RIMS2: variants seen among roughly 807,000 people sequenced by gnomAD.
The protein encoded by RIMS2 is regulating synaptic membrane exocytosis 2.
In RIMS2, 59 loss-of-function variants were observed where a neutral mutation model predicts 174.4. The ratio of observed to expected loss-of-function variants is 0.34; its 90% CI spans 0.27 to 0.42. The LOEUF (loss-of-function observed/expected upper bound fraction) is 0.42, where lower values mean the gene tolerates loss of function less well. Among genes scored for constraint, RIMS2 ranks in the 10% least tolerant of loss-of-function variants. The pLI is 1.00. For synonymous variants in RIMS2, 606 were observed against 572.5 expected (o/e 1.06, Z -0.84); for missense variants, 1,620 against 1,666.3 (o/e 0.97, Z 0.48).
chr8:104,112,285 T>G (rs2098199175), intron 19 of RIMS2, among the ~76,000 whole-genome samples: 2 of 152,132 alleles, frequency 1.3e-5, no homozygotes, highest in South Asian at 4.1e-4. Flanking sequence ...TTCACCATTT[T>G]ATTTTAATCA....
chr8:104,190,755 G>A (rs1356633363), intron 19 of RIMS2, among the ~76,000 whole-genome samples: 1 of 151,958 alleles, frequency 6.6e-6, no homozygotes, highest in African/African-American at 2.4e-5. Context: ...GACCTTTTGG[G>A]TAACTACTTA....
chr8:103,984,096 C>T lies in RIMS2; in HGVS notation c.2928-5209C>T, dbSNP rs1351930133. ...GGCTGAGGCAGGAGAATGGCGTGAACCTGGGAGGCGGAGCTTGCAGTGAGC... is the reference window on the plus strand; with the variant it reads ...GGCTGAGGCAGGAGAATGGCGTGAATCTGGGAGGCGGAGCTTGCAGTGAGC... On this transcript the variant is annotated intron_variant, in intron 16 of 23. Coordinates refer to ENST00000504942, the Ensembl canonical transcript of RIMS2. Among the ~76,000 whole-genome samples, 5 of 152,010 alleles carry T rather than the reference C, an allele frequency of 3.3e-5. No individual in the cohort carries two copies. In the East Asian group the frequency reaches 9.6e-4, roughly 29 times the overall value.
chr8:104,052,567 A>G (rs2096803855), intron 19 of RIMS2, among the ~76,000 whole-genome samples: 4 of 152,320 alleles, frequency 2.6e-5, no homozygotes, highest in Admixed American at 2.6e-4. Context: ...ATTTAGGGCT[A>G]ACATAGTGTC....
chr8:103,628,440 C>T (rs772900816), intron 1 of RIMS2, among the ~76,000 whole-genome samples: 14 of 151,460 alleles, frequency 9.2e-5, no homozygotes, highest in South Asian at 6.3e-4. Flanking sequence ...CCACAACCTC[C>T]GCCTCCCGGT....
At chr8:104,171,195 G>A (rs1282169435) in intron 19 of RIMS2, among the ~76,000 whole-genome samples, 4 of 152,056 alleles carry the variant, frequency 2.6e-5, no homozygotes, top group African/African-American at 7.2e-5. Flanking sequence ...CTCTAGCAAG[G>A]CCAAGGAAGT....
chr8:103,894,767 A>G (rs1175308856), intron 4 of RIMS2, among the ~76,000 whole-genome samples: 1 of 151,558 alleles, frequency 6.6e-6, no homozygotes, highest in Non-Finnish European at 1.5e-5. Context: ...AAAATTGTGG[A>G]AGTTTGTCTT....
At position 104,151,728 on chromosome 8, in the gene RIMS2, G is replaced by A. The variant is rs112419085; in HGVS notation, c.3335-93188G>A. Among the ~76,000 whole-genome samples, 598 of 152,304 alleles carry A rather than the reference G, an allele frequency of 3.9e-3. 8 individuals are homozygous for A. The highest frequency in any genetic ancestry group is 0.014 in the African/African-American group (570 of 41,566). On this transcript the variant is annotated intron_variant, in intron 19 of 23. Coordinates refer to ENST00000504942, the Ensembl canonical transcript of RIMS2. ...AACACTTTTGAAGCTTGTGTCAGAA[G>A]CAGGGACATAAATCTGAGAGTTACA...
chr8:104,251,718 C>T (rs774419567), exon 24 of RIMS2: 1 of 1,610,364 alleles, frequency 6.2e-7, no homozygotes, highest in South Asian at 1.1e-5. Flanking sequence ...TCAAACTTTT[C>T]CCACCTTCCT....
At chr8:103,809,495 T>A (rs1394858928) in intron 3 of RIMS2, among the ~76,000 whole-genome samples, 6 of 152,076 alleles carry the variant, frequency 3.9e-5, no homozygotes, top group Non-Finnish European at 5.9e-5. Context: ...CCCTCCTCCC[T>A]CCACTCCTTT....
chr8:103,989,420 A>C (rs761752508), exon 17 of RIMS2: 1 of 1,500,576 alleles, frequency 6.7e-7, no homozygotes, highest in Non-Finnish European at 9.3e-7. Context: ...AGATAGAGAC[A>C]GGTAAATATG....
intron 19 of RIMS2, among the ~76,000 whole-genome samples, chr8:104,097,442 G>C (rs1170386771): frequency 6.6e-6 from 1 of 152,114 alleles, no homozygotes; most frequent in Non-Finnish European, 1.5e-5. Context: ...TTCTGACTCT[G>C]AATTTCTATG....
intron 1 of RIMS2, among the ~76,000 whole-genome samples, chr8:103,555,729 T>G (rs1053127306): frequency 1.1e-4 from 16 of 150,710 alleles, no homozygotes; most frequent in African/African-American, 3.2e-4. Context: ...CCCAGGAATT[T>G]GAGAGCATTA....
chr8:103,886,332 TAA>T (rs1336792307), intron 4 of RIMS2, 109 bp downstream of exon 7: 5 of 922,816 alleles, frequency 5.4e-6, no homozygotes, highest in African/African-American at 1.7e-5. Context: ...AGCTTTATTT[TAA>T]AAGTCTTTTA....
At chr8:104,208,145 T>A (rs191286337) in intron 19 of RIMS2, among the ~76,000 whole-genome samples, 61 of 152,320 alleles carry the variant, frequency 4.0e-4, no homozygotes, top group Non-Finnish European at 8.1e-4. Context: ...GATGCTGTTA[T>A]GAAATATTCC....
chr8:103,788,210 G>C (rs1371513766), intron 3 of RIMS2, among the ~76,000 whole-genome samples: 2 of 150,208 alleles, frequency 1.3e-5, no homozygotes, highest in African/African-American at 4.9e-5. Context: ...TTTGCCTTTG[G>C]TTTGAATGTC....
chr8:103,993,062 C>T (rs1003233895), intron 17 of RIMS2, among the ~76,000 whole-genome samples: 6 of 152,020 alleles, frequency 3.9e-5, no homozygotes, highest in Non-Finnish European at 8.8e-5. Flanking sequence ...TGCAGTGAGG[C>T]GAGATCGCGC....
chr8:103,703,292 C>T (rs1414847332), intron 2 of RIMS2, among the ~76,000 whole-genome samples: 1 of 152,136 alleles, frequency 6.6e-6, no homozygotes, highest in African/African-American at 2.4e-5. Flanking sequence ...GGCTGGAGTG[C>T]AGTGGCACAA....
At chr8:103,631,652 T>C (rs2095924969) in intron 1 of RIMS2, among the ~76,000 whole-genome samples, 2 of 152,222 alleles carry the variant, frequency 1.3e-5, no homozygotes, top group African/African-American at 4.8e-5. Flanking sequence ...AATAGATTGT[T>C]CTAGTTCTGT....
At chr8:104,068,848 TAC>T (rs2097148648) in intron 19 of RIMS2, among the ~76,000 whole-genome samples, 1 of 152,226 alleles carries the variant, frequency 6.6e-6, no homozygotes, top group African/African-American at 2.4e-5. Context: ...ACAAATCTTT[TAC>T]AGTTTTTCAT....
Sources: allele counts gnomAD v4.1 joint callset (sites outside exome capture counted in the v4.1 genomes callset), GRCh38; gene constraint gnomAD v4.1.1; transcripts MANE v1.5; gene names NCBI Gene and HGNC (gene_info 2026-07-23, HGNC 2026-07-21).